Variants in FRMD7 observed in about 807,000 individuals in gnomAD.
The protein encoded by FRMD7 is FERM domain-containing protein 7.
FRMD7 carries 14 observed loss-of-function variants against 44.1 expected under a neutral mutation model. That is an observed-to-expected ratio of 0.32 (90% CI 0.21 to 0.50). The LOEUF (loss-of-function observed/expected upper bound fraction) is 0.50, where lower values mean the gene tolerates loss of function less well. Ranked by LOEUF, FRMD7 falls within the 20% of genes least tolerant of loss-of-function variation. FRMD7 has a pLI of 0.99. For missense variants in FRMD7, 501 were observed against 522.3 expected (o/e 0.96, Z 0.40); for synonymous variants, 212 against 187.4 (o/e 1.13, Z -1.07).
chrX:132,092,896 C>T (rs1249854019), intron 5 of FRMD7, among the ~76,000 whole-genome samples: 2 of 112,032 alleles, frequency 1.8e-5, no homozygotes, highest in African/African-American at 6.5e-5. Context: ...CTCTTCTAAA[C>T]AGGCCCTATG....
At chrX:132,093,487 C>A (rs1318252327) in intron 5 of FRMD7, among the ~76,000 whole-genome samples, 3 of 112,608 alleles carry the variant, frequency 2.7e-5, no homozygotes, top group African/African-American at 6.4e-5. Flanking sequence ...CCACCTTCTA[C>A]CTACCTTCGT....
At chrX:132,119,757 C>T (rs759009385) in intron 1 of FRMD7, among the ~76,000 whole-genome samples, 2 of 111,331 alleles carry the variant, frequency 1.8e-5, no homozygotes, top group Non-Finnish European at 3.8e-5. Flanking sequence ...AAATGTTCCT[C>T]GGAACGCCTA....
chrX:132,115,869 C>T (rs1165719131), intron 1 of FRMD7, among the ~76,000 whole-genome samples: 2 of 110,420 alleles, frequency 1.8e-5, no homozygotes, highest in East Asian at 5.6e-4. Flanking sequence ...CCTGAGGAGT[C>T]TTTGTAGATT....
chrX:132,103,403 C>T (rs921158481), intron 1 of FRMD7, among the ~76,000 whole-genome samples: 2 of 111,052 alleles, frequency 1.8e-5, no homozygotes, highest in African/African-American at 6.5e-5. Context: ...GATCTAAATT[C>T]TTTACCACCC....
chrX:132,086,209 G>T (rs182296366), intron 5 of FRMD7, among the ~76,000 whole-genome samples, 175 bp from the exon 6 acceptor site: 1 of 110,647 alleles, frequency 9.0e-6, no homozygotes, highest in Non-Finnish European at 1.9e-5. Context: ...TGTGTGTTTG[G>T]GGGGGGCAAT....
At position 132,099,447 on chromosome X, in the gene FRMD7, T is replaced by C. The variant is rs187303928; in HGVS notation, c.205+21A>G. On this transcript the variant is annotated intron_variant, in intron 3 of 11. Coordinates refer to ENST00000298542, the MANE Select transcript of FRMD7 (RefSeq NM_194277.3). ...AGCTCTAACTGTGAACTCTCTTCCT[T>C]AAATGATTTTCCATACTTACTTTTT... 2.4e-4 allele frequency: 276 copies of C among 1,173,116 alleles called. No individual in the cohort carries two copies. In the African/African-American group the frequency reaches 4.3e-3, roughly 18 times the overall value.
At chrX:132,082,124 G>A (rs901921433) in intron 9 of FRMD7, among the ~76,000 whole-genome samples, 5 of 111,907 alleles carry the variant, frequency 4.5e-5, no homozygotes, top group African/African-American at 1.3e-4. Context: ...GCACACATCC[G>A]CCCATCCTTG....
intron 2 of FRMD7, 45 bp from the exon 3 acceptor site, chrX:132,099,555 C>T: frequency 1.0e-6 from 1 of 996,802 alleles, no homozygotes; most frequent in Non-Finnish European, 1.4e-6. Context: ...TGGCATTGAG[C>T]AGAGCTTTTT....
intron 5 of FRMD7, among the ~76,000 whole-genome samples, chrX:132,086,789 T>C (rs1928006305): frequency 5.4e-5 from 6 of 111,870 alleles, no homozygotes; most frequent in Admixed American, 9.5e-5. Context: ...AGCAAACTAG[T>C]ACAGCCATCC....
rs1249279358 is a variant in FRMD7, at chrX:132,084,568, A to G, written c.663T>C (p.Asn221=). 3.5e-6 allele frequency: 4 copies of G among 1,151,048 alleles called. No individual in the cohort carries two copies. In the South Asian group the frequency reaches 7.2e-5, roughly 21 times the overall value. 94.9% of individuals were successfully genotyped at this position (1,151,048 alleles called of 1,213,427 possible). ...VLVLRGNTKI[N]TFNWAKIRKL... ...TGCGGATTTTAGCCCAGTTAAAAGT[A>G]TTGATCTTTGTATTTCCCTACAATG... The change falls in exon 8 of 12, where the codon AAT becomes AAC. Residue 221 remains asparagine (N), a synonymous_variant. Transcript: ENST00000298542.
chrX:132,123,036 G>A (rs1254902452), intron 1 of FRMD7, among the ~76,000 whole-genome samples: 2 of 111,699 alleles, frequency 1.8e-5, no homozygotes, highest in Admixed American at 1.9e-4. Flanking sequence ...TTCTGTGAAA[G>A]GACCATGTTC....
chrX:132,091,670 C>CAAAA (rs35822147), intron 5 of FRMD7, among the ~76,000 whole-genome samples: 4 of 48,117 alleles, frequency 8.3e-5, no homozygotes, highest in African/African-American at 2.9e-4. Context: ...ACTAAAAATA[C>CAAAA]AAAAAAAAAA....
At chrX:132,085,557 G>A in intron 7 of FRMD7, 24 bp downstream of exon 7, 2 of 1,205,805 alleles carry the variant, frequency 1.7e-6, no homozygotes, top group Non-Finnish European at 2.2e-6. Flanking sequence ...AAAGCTGAAG[G>A]GCTTGAAAGG....
chrX:132,097,496 C>T (rs1326920951), intron 3 of FRMD7, 152 bp from the exon 4 acceptor site: 2 of 495,959 alleles, frequency 4.0e-6, no homozygotes, highest in Non-Finnish European at 7.3e-6. Context: ...TCTGTGTTTC[C>T]ATTTATCACA....
At chrX:132,121,086 G>A (rs944980589) in intron 1 of FRMD7, among the ~76,000 whole-genome samples, 1 of 111,656 alleles carries the variant, frequency 9.0e-6, no homozygotes, top group African/African-American at 3.3e-5. Flanking sequence ...AACAAACATC[G>A]ATTGATCCCA....
Position 132,094,396 on chromosome X carries a change from G to A in FRMD7, c.285-257C>T, listed in dbSNP as rs1387868876. ...CCTGGCCAAATCCTCCTGCCAAATTGAGAAAGTTGGCCAATCATCCTCTGG... is the reference window on the plus strand; with the variant it reads ...CCTGGCCAAATCCTCCTGCCAAATTAAGAAAGTTGGCCAATCATCCTCTGG... On this transcript the variant is annotated intron_variant, in intron 4 of 11. Transcript: ENST00000298542. 3 of 357,390 alleles carry A rather than the reference G, an allele frequency of 8.4e-6. No homozygotes were observed. In the Admixed American group the frequency reaches 1.3e-4, roughly 16 times the overall value. 29.5% of individuals were successfully genotyped at this position (357,390 alleles called of 1,213,427 possible). A position where few individuals can be genotyped will look rare whatever the true frequency, so the allele number is the denominator to read the frequency against.
rs765845167 is a variant in FRMD7 at position 132,077,306 on chromosome X, GA to G, written c.*565del. On this transcript the variant is annotated 3_prime_UTR_variant, in exon 12 of 12. Transcript: ENST00000298542. ...TAATTCTAAACCTGTATTCTCTTGA[GA>G]GGATCTATGCCACCACCTCCTTCCT... The G allele has an allele frequency of 4.4e-5, 5 of 113,502 alleles. No individual in the cohort carries two copies. In the South Asian group the frequency reaches 1.8e-3, roughly 41 times the overall value. 9.4% of individuals were successfully genotyped at this position (113,502 alleles called of 1,213,427 possible). A position where few individuals can be genotyped will look rare whatever the true frequency, so the allele number is the denominator to read the frequency against.
At chrX:132,121,842 C>A (rs1929042427) in intron 1 of FRMD7, among the ~76,000 whole-genome samples, 1 of 111,604 alleles carries the variant, frequency 9.0e-6, no homozygotes, top group Non-Finnish European at 1.9e-5. Context: ...TTGGCTATTT[C>A]CATCTGCTTC....
At chrX:132,118,107 A>T (rs1356850240) in intron 1 of FRMD7, among the ~76,000 whole-genome samples, 1 of 110,899 alleles carries the variant, frequency 9.0e-6, no homozygotes, top group Non-Finnish European at 1.9e-5. Flanking sequence ...AAAGAATTAT[A>T]TGAACCCAAA....
Sources: allele counts gnomAD v4.1 joint callset (sites outside exome capture counted in the v4.1 genomes callset), GRCh38; gene constraint gnomAD v4.1.1; transcripts MANE v1.5; gene names NCBI Gene and HGNC (gene_info 2026-07-23, HGNC 2026-07-21).